The following PROCR variants were observed in gnomAD, a reference collection of about 807,000 sequenced individuals.
The protein encoded by PROCR is protein C receptor.
PROCR carries 22 observed loss-of-function variants against 24.2 expected under a neutral mutation model. The observed-to-expected ratio is 0.91, with a 90% CI of 0.65 to 1.30. The LOEUF is 1.30. PROCR is among the 50% of genes most tolerant of loss of function. The pLI is 0.00. For synonymous variants in PROCR, 137 were observed against 139.2 expected, an observed-to-expected ratio of 0.98 and a Z score of 0.11; for missense variants, 288 against 307.7, an observed-to-expected ratio of 0.94 and a Z score of 0.48.
intron 1 of PROCR, among the ~76,000 whole-genome samples, chr20:35,200,501 T>C (rs2060314501): frequency 6.6e-6 from 1 of 152,230 alleles, no homozygotes; most frequent in African/African-American, 2.4e-5. Context: ...GTTCAGATTT[T>C]TAAGCAACAA....
At chr20:35,204,419 CTCTTT>C (rs1235661059) in intron 1 of PROCR, among the ~76,000 whole-genome samples, 1 of 125,910 alleles carries the variant, frequency 7.9e-6, no homozygotes, top group African/African-American at 2.9e-5. Context: ...CTTTCCTTTT[CTCTTT>C]TCTTTTCTTT....
intron 1 of PROCR, among the ~76,000 whole-genome samples, chr20:35,186,247 CAT>C (rs1357799759): frequency 1.3e-5 from 2 of 152,128 alleles, no homozygotes; most frequent in Non-Finnish European, 2.9e-5. Context: ...GGTACTGACA[CAT>C]GTTACAACAC....
At chr20:35,199,863 C>T (rs2060312467) in intron 1 of PROCR, among the ~76,000 whole-genome samples, 1 of 151,998 alleles carries the variant, frequency 6.6e-6, no homozygotes, top group Non-Finnish European at 1.5e-5. Context: ...TTCTAAATGT[C>T]ATTAAGAACA....
chr20:35,182,968 C>T (rs1305627873), intron 1 of PROCR, among the ~76,000 whole-genome samples: 3 of 117,692 alleles, frequency 2.5e-5, no homozygotes, highest in Non-Finnish European at 4.9e-5. Context: ...AGCGAGACTC[C>T]GTCTCAAAAA....
At chr20:35,212,154 A>AC (rs2060364936) in intron 1 of PROCR, among the ~76,000 whole-genome samples, 1 of 152,128 alleles carries the variant, frequency 6.6e-6, no homozygotes, top group Admixed American at 6.6e-5. Context: ...CTTTGGGAAA[A>AC]CTTCCCAAAG....
At chr20:35,192,495 A>G (rs1283062443) in intron 1 of PROCR, among the ~76,000 whole-genome samples, 1 of 151,912 alleles carries the variant, frequency 6.6e-6, no homozygotes, top group Non-Finnish European at 1.5e-5. Flanking sequence ...TGGGAGGGAA[A>G]GTTGTGTGTC....
intron 1 of PROCR, among the ~76,000 whole-genome samples, chr20:35,186,282 A>C (rs2086125282): frequency 6.6e-6 from 1 of 152,174 alleles, no homozygotes; most frequent in Non-Finnish European, 1.5e-5. Context: ...AAAACATGAT[A>C]AGTAGTCCGG....
chr20:35,209,645 G>C (rs1332423304), intron 1 of PROCR, among the ~76,000 whole-genome samples: 3 of 152,188 alleles, frequency 2.0e-5, no homozygotes, highest in Non-Finnish European at 4.4e-5. Flanking sequence ...GGGCCAAGGA[G>C]GGGAAAATCA....
At chr20:35,182,109 G>A (rs1460212172), downstream of PROCR, among the ~76,000 whole-genome samples, 1 of 152,214 alleles carries the variant, frequency 6.6e-6, no homozygotes, top group Non-Finnish European at 1.5e-5. Context: ...TGCAAGTGCA[G>A]GGGGGAAAAG....
intron 1 of PROCR, among the ~76,000 whole-genome samples, chr20:35,190,558 T>A (rs928184188): frequency 2.0e-5 from 3 of 152,222 alleles, no homozygotes; most frequent in Admixed American, 6.5e-5. Flanking sequence ...AAAAGCCCTG[T>A]AGTTTTTCTT....
chr20:35,181,200 G>A (rs962280613), downstream of PROCR, among the ~76,000 whole-genome samples: 4 of 151,652 alleles, frequency 2.6e-5, no homozygotes, highest in African/African-American at 9.7e-5. Flanking sequence ...GTTAAATTCA[G>A]AATCCTCAAA....
chr20:35,195,473 TA>T (rs1295930525), intron 1 of PROCR: 4 of 152,272 alleles, frequency 2.6e-5, no homozygotes, highest in Admixed American at 2.6e-4. Context: ...TATGTACCGA[TA>T]AAATTTTGTA....
chr20:35,192,069 C>T (rs2086177905), intron 1 of PROCR, among the ~76,000 whole-genome samples: 1 of 152,018 alleles, frequency 6.6e-6, no homozygotes, highest in Non-Finnish European at 1.5e-5. Flanking sequence ...AAAAGACAAA[C>T]AAGGAAGGAA....
At chr20:35,178,512 T>G (rs11696279), downstream of PROCR, among the ~76,000 whole-genome samples, 2,016 of 22,752 alleles carry the variant, frequency 0.089, 101 homozygotes, top group South Asian at 0.18. Flanking sequence ...TCTCAGTTTT[T>G]TTTTTTTTTT....
rs1453195978 is a variant in PROCR, at chr20:35,175,012, C to T, written c.322+59C>T. 3.6e-4 allele frequency: 10 copies of T among 27,734 alleles called. No homozygotes were observed. In the East Asian group the frequency reaches 4.8e-3, roughly 13 times the overall value. The allele number at this position is 27,734 out of a possible 1,614,324, so 1.7% of individuals were successfully genotyped here. A position where few individuals can be genotyped will look rare whatever the true frequency, so the allele number is the denominator to read the frequency against. ...CGGGGCTAGTGGGGGCGGGGCCTGG[C>T]GGGTGGGGGCGGGGCCTGGCGGATG... On this transcript the variant is annotated intron_variant, in intron 2 of 3. Transcript: ENST00000216968.
downstream of PROCR, among the ~76,000 whole-genome samples, chr20:35,178,507 G>GTTTTGTTTTTTTTTTTTTTTT (rs1272557859): frequency 4.9e-4 from 17 of 34,376 alleles, 5 homozygotes; most frequent in African/African-American, 1.8e-3. Context: ...TCAAGTCTCA[G>GTTTTGTTTTTTTTTTTTTTTT]TTTTTTTTTT....
chr20:35,188,016 A>G (rs1568595602), intron 1 of PROCR, among the ~76,000 whole-genome samples: 1 of 152,196 alleles, frequency 6.6e-6, no homozygotes, highest in Non-Finnish European at 1.5e-5. Context: ...ATAAAGGTAA[A>G]CAAATGACTC....
intron 1 of PROCR, among the ~76,000 whole-genome samples, chr20:35,204,738 C>T (rs1455663628): frequency 6.6e-6 from 1 of 150,924 alleles, no homozygotes; most frequent in African/African-American, 2.4e-5. Flanking sequence ...CAATTCCACA[C>T]AAACTCTTCC....
At chr20:35,204,291 C>T (rs2060329417) in intron 1 of PROCR, among the ~76,000 whole-genome samples, 1 of 151,948 alleles carries the variant, frequency 6.6e-6, no homozygotes, top group African/African-American at 2.4e-5. Flanking sequence ...AGTTTAAAAC[C>T]TTCCAATGTA....
Sources: allele counts gnomAD v4.1 joint callset (sites outside exome capture counted in the v4.1 genomes callset), GRCh38; gene constraint gnomAD v4.1.1; transcripts MANE v1.5; gene names NCBI Gene and HGNC (gene_info 2026-07-23, HGNC 2026-07-21).